The following PDIA5 variants were observed in gnomAD, a reference collection of about 807,000 sequenced individuals.
PDIA5 encodes the protein protein disulfide isomerase family A member 5.
In PDIA5, 58 loss-of-function variants were observed where a neutral mutation model predicts 77.6. The ratio of observed to expected loss-of-function variants is 0.75; its 90% CI spans 0.61 to 0.93. The LOEUF is 0.93. Ranked by LOEUF, PDIA5 falls within the 40% of genes least tolerant of loss-of-function variation. PDIA5 has a pLI of 0.00. For synonymous variants in PDIA5, 250 were observed against 252.1 expected, an observed-to-expected ratio of 0.99 and a Z score of 0.08; for missense variants, 630 against 647.7, an observed-to-expected ratio of 0.97 and a Z score of 0.30.
At chr3:123,148,794 T>C (rs1215276426) in intron 13 of PDIA5, among the ~76,000 whole-genome samples, 2 of 152,118 alleles carry the variant, frequency 1.3e-5, no homozygotes, top group African/African-American at 4.8e-5. Context: ...CAGGGACAAA[T>C]AGTAGTTCTT....
At chr3:123,097,760 C>T (rs1340504519) in intron 3 of PDIA5, among the ~76,000 whole-genome samples, 1 of 152,010 alleles carries the variant, frequency 6.6e-6, no homozygotes, top group African/African-American at 2.4e-5. Flanking sequence ...CCTACCTGTC[C>T]CCAGGGCATC....
At chr3:123,102,701 A>G in intron 4 of PDIA5, 50 bp from the exon 5 acceptor site, 1 of 1,431,712 alleles carries the variant, frequency 7.0e-7, no homozygotes, top group Non-Finnish European at 9.9e-7. Context: ...AAAGGTATGT[A>G]TCTTCACAAC....
In PDIA5 at chr3:123,092,378, A is replaced by G. The variant is rs376910614; in HGVS notation, c.193A>G (p.Arg65Gly). ...KSEVAAENHL[R>G]LLSTVAQAVK... ...AGAGGTGGCAGCTGAAAATCATCTC[A>G]GGTTACTGTCCACAGTGGCCCAGGC... The change falls in exon 3 of 17, where the codon AGG (arginine) becomes GGG (glycine). Residue 65 changes from arginine (R) to glycine (G), a missense_variant. By Grantham distance (125) the Arg-to-Gly change is moderately radical (BLOSUM62 -2). Coordinates refer to ENST00000316218, the MANE Select transcript of PDIA5 (RefSeq NM_006810.4). 6.2e-7 allele frequency: 1 copy of G among 1,613,352 alleles called. No homozygotes were observed. The highest frequency in any genetic ancestry group is 8.5e-7 in the Non-Finnish European group (1 of 1,179,640).
At chr3:123,101,975 T>A (rs1057104898) in intron 3 of PDIA5, among the ~76,000 whole-genome samples, 1 of 137,894 alleles carries the variant, frequency 7.3e-6, no homozygotes, top group Non-Finnish European at 1.5e-5. Flanking sequence ...AGTGGCATGA[T>A]CTTGGCTCAC....
At chr3:123,124,185 T>G in intron 9 of PDIA5, 28 bp downstream of exon 9, 1 of 1,594,932 alleles carries the variant, frequency 6.3e-7, no homozygotes, top group Non-Finnish European at 8.6e-7. Context: ...CTTCTAAAGC[T>G]CACCTCCCTC....
chr3:123,072,751 G>A (rs1933754296), intron 1 of PDIA5, among the ~76,000 whole-genome samples: 2 of 152,180 alleles, frequency 1.3e-5, no homozygotes, highest in Admixed American at 6.6e-5. Flanking sequence ...CAGCTTTGTG[G>A]TTTTATTCTG....
Position 123,151,923 on chromosome 3 carries a change from T to G in PDIA5, c.1273+1559T>G, listed in dbSNP as rs1381613451. ...TGCCTGCCTTCCTTCCTGCCTTCCT[T>G]CCTTCCTGCCTTCCTTCCTGCCTGC... On this transcript the variant is annotated intron_variant, in intron 14 of 16. Coordinates refer to ENST00000316218, the MANE Select transcript of PDIA5 (RefSeq NM_006810.4). Among the ~76,000 whole-genome samples the G allele has an allele frequency of 1.7e-3, 230 of 133,742 alleles. 2 individuals carry two copies. The highest frequency in any genetic ancestry group is 6.5e-3 in the African/African-American group (216 of 33,418). The allele number at this position is 133,742 out of a possible 152,430, so 87.7% of individuals were successfully genotyped here.
chr3:123,110,478 C>T (rs1169429661), intron 6 of PDIA5, among the ~76,000 whole-genome samples: 2 of 152,124 alleles, frequency 1.3e-5, no homozygotes, highest in Non-Finnish European at 2.9e-5. Context: ...TCCCCATCTG[C>T]CAAGTCAGGC....
At chr3:123,071,742 A>T (rs1252782235) in intron 1 of PDIA5, among the ~76,000 whole-genome samples, 1 of 152,136 alleles carries the variant, frequency 6.6e-6, no homozygotes, top group Non-Finnish European at 1.5e-5. Context: ...CAAGGTGTGG[A>T]CTGGCCTCAC....
At chr3:123,136,088 A>G (rs836834) in intron 11 of PDIA5, among the ~76,000 whole-genome samples, 24,420 of 150,814 alleles carry the variant, frequency 0.16, 2,177 homozygotes, top group Middle Eastern at 0.24. Context: ...GGGCCACCAC[A>G]CCTGGCTAAT....
intron 3 of PDIA5, among the ~76,000 whole-genome samples, chr3:123,102,107 A>G (rs1934616705): frequency 6.6e-6 from 1 of 151,558 alleles, no homozygotes; most frequent in Admixed American, 6.6e-5. Flanking sequence ...ACGGGGTTTC[A>G]CCATGTTGGC....
At chr3:123,090,524 G>T (rs966277505) in intron 2 of PDIA5, among the ~76,000 whole-genome samples, 1 of 152,198 alleles carries the variant, frequency 6.6e-6, no homozygotes, top group Non-Finnish European at 1.5e-5. Flanking sequence ...GTATACAAAT[G>T]AGGAAATGGA....
chr3:123,114,877 C>A, intron 7 of PDIA5, among the ~76,000 whole-genome samples: 1 of 152,168 alleles, frequency 6.6e-6, no homozygotes, highest in East Asian at 1.9e-4. Context: ...CCAGGGTTCG[C>A]GTACTGGGGT....
chr3:123,071,248 G>T (rs1427983453), intron 1 of PDIA5, among the ~76,000 whole-genome samples: 1 of 152,058 alleles, frequency 6.6e-6, no homozygotes. Flanking sequence ...CTCACTCAAG[G>T]CCACCCAGTT....
intron 15 of PDIA5, among the ~76,000 whole-genome samples, chr3:123,158,469 G>T (rs1936071492): frequency 6.6e-6 from 1 of 152,208 alleles, no homozygotes; most frequent in African/African-American, 2.4e-5. Context: ...GACCCTGGAA[G>T]TGAGACACGA....
At chr3:123,110,675 T>C (rs1934838579) in intron 6 of PDIA5, among the ~76,000 whole-genome samples, 1 of 152,130 alleles carries the variant, frequency 6.6e-6, no homozygotes, top group South Asian at 2.1e-4. Flanking sequence ...CCAAAGCCAT[T>C]TGTTAGCTTG....
chr3:123,120,054 G>A (rs1294644133), intron 8 of PDIA5, among the ~76,000 whole-genome samples: 1 of 152,154 alleles, frequency 6.6e-6, no homozygotes, highest in Non-Finnish European at 1.5e-5. Flanking sequence ...CTCATTAGCA[G>A]CCACGCTGCC....
intron 1 of PDIA5, among the ~76,000 whole-genome samples, chr3:123,069,201 G>A (rs1261908829): frequency 6.6e-6 from 1 of 152,138 alleles, no homozygotes; most frequent in Non-Finnish European, 1.5e-5. Flanking sequence ...TATCTGATAA[G>A]TGCTCCCCAG....
intron 11 of PDIA5, among the ~76,000 whole-genome samples, chr3:123,135,679 G>T (rs776495665): frequency 2.7e-5 from 4 of 147,498 alleles, no homozygotes; most frequent in East Asian, 2.0e-4. Flanking sequence ...AATCTAGAAG[G>T]TATAGTAAAA....
Sources: gnomAD v4.1 joint callset for allele counts (sites outside exome capture counted in the v4.1 genomes callset) on GRCh38, gnomAD v4.1.1 for gene constraint, MANE v1.5 for transcripts, NCBI Gene and HGNC (gene_info 2026-07-23, HGNC 2026-07-21) for gene names.